The following CHD7 variants were observed in gnomAD, a reference collection of about 807,000 sequenced individuals.
The protein encoded by CHD7 is chromodomain helicase DNA binding protein 7.
CHD7 carries 24 observed loss-of-function variants against 307.3 expected under a neutral mutation model. The ratio of observed to expected loss-of-function variants is 0.08; its 90% CI spans 0.06 to 0.11. CHD7 has a LOEUF of 0.11. CHD7 is among the 10% of genes least tolerant of loss of function. CHD7 has a pLI of 1.00. For missense variants in CHD7, 3,106 were observed against 3,727.1 expected, an observed-to-expected ratio of 0.83 and a Z score of 4.34; for synonymous variants, 1,363 against 1,349.9, an observed-to-expected ratio of 1.01 and a Z score of -0.21.
rs77859976 is a variant in CHD7 at position 60,803,184 on chromosome 8, A to G, written c.2442+1591A>G. On this transcript the variant is annotated intron_variant, in intron 6 of 37. Transcript: ENST00000423902. ...AAATTTAAATACTTGACATGCTTTG[A>G]AGAACAATCCCCTTCACTGAATTGA... 4.4e-3 allele frequency among the ~76,000 whole-genome samples: 674 copies of G among 152,330 alleles called. 8 individuals are homozygous for G. Among genetic ancestry groups the G allele is most frequent in the African/African-American group, 0.016 (647 of 41,580 alleles).
intron 2 of CHD7, among the ~76,000 whole-genome samples, chr8:60,757,976 A>G (rs1165647748): frequency 6.6e-6 from 1 of 152,208 alleles, no homozygotes; most frequent in Non-Finnish European, 1.5e-5. Flanking sequence ...TGATGCTCTT[A>G]AATATTGAGA....
chr8:60,721,057 G>A lies in CHD7; in HGVS notation c.-174-20202G>A, dbSNP rs117805471. ...GTCAAGGGCTGTGAAGTGAGGTCCC[G>A]GACCAGCAACATCAACTTAGGCATG... is the stretch of plus-strand genomic sequence containing the variant. On this transcript the variant is annotated intron_variant, in intron 1 of 37. Coordinates refer to ENST00000423902, the MANE Select transcript of CHD7 (RefSeq NM_017780.4). 1.8e-4 allele frequency among the ~76,000 whole-genome samples: 27 copies of A among 152,204 alleles called. No individual in the cohort carries two copies. In the East Asian group the frequency reaches 4.8e-3, roughly 27 times the overall value.
At chr8:60,746,015 A>G (rs1044925189) in intron 2 of CHD7, among the ~76,000 whole-genome samples, 1 of 152,182 alleles carries the variant, frequency 6.6e-6, no homozygotes, top group Non-Finnish European at 1.5e-5. Context: ...TCCCATGTAG[A>G]TACAATGTAA....
chr8:60,735,830 A>G (rs1438785029), intron 1 of CHD7, among the ~76,000 whole-genome samples: 1 of 152,194 alleles, frequency 6.6e-6, no homozygotes. Flanking sequence ...CAGTGATGGA[A>G]ATGTTCATTA....
At chr8:60,847,859 C>A (rs1805283272) in intron 23 of CHD7, among the ~76,000 whole-genome samples, 2 of 151,700 alleles carry the variant, frequency 1.3e-5, no homozygotes, top group African/African-American at 4.9e-5. Context: ...CAAGCTACTA[C>A]AGCTTAGGTT....
At chr8:60,764,193 G>C (rs1810360137) in intron 2 of CHD7, among the ~76,000 whole-genome samples, 1 of 152,060 alleles carries the variant, frequency 6.6e-6, no homozygotes. Context: ...GTTTCACCAT[G>C]TTAGCCAGGG....
intron 3 of CHD7, among the ~76,000 whole-genome samples, chr8:60,790,553 T>C (rs1023688249): frequency 6.6e-6 from 1 of 152,214 alleles, no homozygotes; most frequent in African/African-American, 2.4e-5. Context: ...GGGTTTCTTA[T>C]ATGAGTTAAT....
intron 2 of CHD7, among the ~76,000 whole-genome samples, chr8:60,769,655 T>C (rs2150641378): frequency 6.6e-6 from 1 of 152,320 alleles, no homozygotes; most frequent in Middle Eastern, 3.4e-3. Flanking sequence ...TGAAACTTAT[T>C]TTGTTTTGGT....
chr8:60,741,251 C>G lies in CHD7; in HGVS notation c.-174-8C>G. On this transcript the variant is annotated splice_polypyrimidine_tract_variant and splice_region_variant and intron_variant, in intron 1 of 37. Transcript: ENST00000423902. ...CCTTCTTCTCCCCCACCCCAAACTC[C>G]CTTCCAGGACCTATATCCAGACTTT... 1.7e-6 allele frequency: 1 copy of G among 582,200 alleles called. No homozygotes were observed. Among genetic ancestry groups the G allele is most frequent in the Non-Finnish European group, 3.0e-6 (1 of 328,200 alleles). 36.1% of individuals were successfully genotyped at this position (582,200 alleles called of 1,614,324 possible).
At chr8:60,761,019 G>A (rs1810169282) in intron 2 of CHD7, among the ~76,000 whole-genome samples, 1 of 152,092 alleles carries the variant, frequency 6.6e-6, no homozygotes, top group Non-Finnish European at 1.5e-5. Context: ...TATAAATCAT[G>A]CTGCTATAAA....
At chr8:60,780,923 T>G in intron 2 of CHD7, 77 bp from the exon 3 acceptor site, 1 of 1,408,072 alleles carries the variant, frequency 7.1e-7, no homozygotes, top group East Asian at 2.6e-5. Context: ...TTCAGAAACA[T>G]CAGCCACTAA....
At chr8:60,802,357 A>G (rs1397244291) in intron 6 of CHD7, among the ~76,000 whole-genome samples, 1 of 152,208 alleles carries the variant, frequency 6.6e-6, no homozygotes, top group Non-Finnish European at 1.5e-5. Context: ...ATAAACCTGC[A>G]GGTGCATTAG....
chr8:60,751,198 T>G (rs1808548276), intron 2 of CHD7, among the ~76,000 whole-genome samples: 3 of 152,358 alleles, frequency 2.0e-5, no homozygotes, highest in South Asian at 4.1e-4. Context: ...CTCTATCCCC[T>G]AGCTTTTTGC....
intron 3 of CHD7, among the ~76,000 whole-genome samples, chr8:60,794,129 TAAAAA>T (rs1011462877): frequency 1.4e-5 from 2 of 144,850 alleles, no homozygotes; most frequent in Non-Finnish European, 3.1e-5. Context: ...TCTCAAAAAA[TAAAAA>T]AAAAACTGGA....
rs530721867 is a variant in CHD7, at chr8:60,694,999, G to A, written c.-175+15917G>A. Among the ~76,000 whole-genome samples the A allele has an allele frequency of 2.0e-5, 3 of 152,322 alleles. No homozygotes were observed. In the South Asian group the frequency reaches 6.2e-4, roughly 32 times the overall value. ...TGTTGAAATAGCCCAACCAGGAGGT[G>A]GTAGAGCTTTGGCTAGGCGGGGAAA... On this transcript the variant is annotated intron_variant, in intron 1 of 37. Transcript: ENST00000423902.
At chr8:60,810,029 T>C (rs985718549) in intron 7 of CHD7, among the ~76,000 whole-genome samples, 1 of 152,222 alleles carries the variant, frequency 6.6e-6, no homozygotes, top group Non-Finnish European at 1.5e-5. Flanking sequence ...TTGTGGCTTC[T>C]CATTTTATTC....
Position 60,865,525 on chromosome 8 carries a change from T to C in CHD7, c.8586T>C (p.Asp2862=), listed in dbSNP as rs756572992. The part of the protein sequence containing the change: ...DENKDSEKST[D]AVSAADSANG... ...ACAAAGACTCTGAGAAAAGCACAGA[T>C]GCTGTTTCGGCTGCTGACTCTGCGA... The change falls in exon 38 of 38, where the codon GAT becomes GAC. Residue 2862 remains aspartate (D), a synonymous_variant. Coordinates refer to ENST00000423902, the MANE Select transcript of CHD7 (RefSeq NM_017780.4). This position sits in a 1 kb window ranked among gnomAD's most constrained non-coding sequence, Gnocchi z 4.3. 57 of 1,613,944 alleles carry C rather than the reference T, an allele frequency of 3.5e-5. No individual in the cohort carries two copies. Among genetic ancestry groups the C allele is most frequent in the Non-Finnish European group, 4.8e-5 (57 of 1,179,910 alleles).
At chr8:60,705,639 A>G (rs1309036439) in intron 1 of CHD7, among the ~76,000 whole-genome samples, 1 of 152,254 alleles carries the variant, frequency 6.6e-6, no homozygotes, top group Admixed American at 6.5e-5. Context: ...ATATCCATAA[A>G]TAAATCTTAT....
chr8:60,743,738 T>C (rs1421241388), intron 2 of CHD7, among the ~76,000 whole-genome samples: 1 of 152,216 alleles, frequency 6.6e-6, no homozygotes, highest in African/African-American at 2.4e-5. Context: ...GTTTTTGTTA[T>C]CATTCAGAAT....
Sources: gnomAD v4.1 joint callset for allele counts (sites outside exome capture counted in the v4.1 genomes callset) on GRCh38, gnomAD v4.1.1 for gene constraint, Gnocchi (gnomAD v3.1) non-coding constraint, MANE v1.5 for transcripts, NCBI Gene and HGNC (gene_info 2026-07-23, HGNC 2026-07-21) for gene names.